Variants in XKR9 observed in about 807,000 individuals in gnomAD.
XKR9 encodes the protein XK-related protein 9.
Under a neutral mutation model 32.0 loss-of-function variants are expected in XKR9, and 32 were observed. The observed-to-expected ratio is 1.00, with a 90% confidence interval of 0.76 to 1.34. The LOEUF is 1.34. Among genes scored for constraint, XKR9 ranks in the 40% most tolerant of loss-of-function variants. XKR9 has a pLI of 0.00. For missense variants in XKR9, 546 were observed against 429.7 expected (o/e 1.27, Z -2.39); for synonymous variants, 168 against 143.4 (o/e 1.17, Z -1.22).
At chr8:70,747,371 CT>C (rs1169401054) in intron 2 of XKR9, among the ~76,000 whole-genome samples, 1 of 152,148 alleles carries the variant, frequency 6.6e-6, no homozygotes, top group Non-Finnish European at 1.5e-5. Flanking sequence ...AATGCATTGC[CT>C]CATAAATGAA....
At chr8:70,968,915 G>A in the XKR9 span, among the ~76,000 whole-genome samples, 2 of 152,202 alleles carry the variant, frequency 1.3e-5, no homozygotes, top group African/African-American at 4.8e-5. Context: ...TACACAGTCA[G>A]GAGGAATGGG....
chr8:70,748,928 A>G lies in XKR9; in HGVS notation n.353-40411A>G, dbSNP rs562560073. 5.3e-5 allele frequency among the ~76,000 whole-genome samples: 8 copies of G among 152,078 alleles called. No homozygotes were observed. The South Asian group carries it at 8.3e-4, about 16-fold the overall frequency. On this transcript the variant is annotated intron_variant and non_coding_transcript_variant, in intron 2 of 3. Coordinates refer to the XKR9 transcript ENST00000520273. ...GAGCTACCTACTTCAGGTCTCCTCAACTCTTCAGGATGACCTGCCTGCATA... is the reference window on the plus strand; with the variant it reads ...GAGCTACCTACTTCAGGTCTCCTCAGCTCTTCAGGATGACCTGCCTGCATA...
the XKR9 span, among the ~76,000 whole-genome samples, chr8:70,880,800 G>T: frequency 5.9e-5 from 9 of 152,108 alleles, no homozygotes; most frequent in African/African-American, 2.2e-4. Context: ...CCAAAAAAGA[G>T]CCCGTATAAC....
rs1458455722 is a variant in XKR9, at chr8:70,754,335, C to G, written n.353-35004C>G. Among the ~76,000 whole-genome samples, 32 of 142,894 alleles carry G rather than the reference C, an allele frequency of 2.2e-4. 1 individual carries two copies. In the Middle Eastern group the frequency reaches 0.017, roughly 78 times the overall value. The allele number at this position is 142,894 out of a possible 152,430, so 93.7% of individuals were successfully genotyped here. On this transcript the variant is annotated intron_variant and non_coding_transcript_variant, in intron 2 of 3. Transcript: ENST00000520273. ...AATCAATATCGTGAAAATGGCCATA[C>G]TGCCCAAGGTAATTTATAGATTCAA...
chr8:70,853,614 T>C, the XKR9 span, among the ~76,000 whole-genome samples: 1 of 152,058 alleles, frequency 6.6e-6, no homozygotes, highest in Non-Finnish European at 1.5e-5. Context: ...TACATATGTA[T>C]ACATGTGCCA....
At chr8:70,737,415 CA>C (rs1160068571), downstream of XKR9, among the ~76,000 whole-genome samples, 3 of 149,132 alleles carry the variant, frequency 2.0e-5, no homozygotes, top group African/African-American at 2.4e-5. Context: ...CATCTGCAAA[CA>C]GGGACAATTT....
the XKR9 span, among the ~76,000 whole-genome samples, chr8:70,849,709 G>C: frequency 6.6e-6 from 1 of 151,666 alleles, no homozygotes. Context: ...TGACAAAATA[G>C]ATAGACCACT....
the XKR9 span, among the ~76,000 whole-genome samples, chr8:71,034,730 T>A: frequency 6.6e-6 from 1 of 151,992 alleles, no homozygotes; most frequent in African/African-American, 2.4e-5. Context: ...AGCTTCCATG[T>A]CTTCTCAGCT....
the XKR9 span, among the ~76,000 whole-genome samples, chr8:70,832,870 C>T: frequency 6.6e-6 from 1 of 152,244 alleles, no homozygotes; most frequent in Admixed American, 6.5e-5. Context: ...AGAATATAAG[C>T]CCCACGAGGA....
intron 2 of XKR9, among the ~76,000 whole-genome samples, chr8:70,678,476 C>T (rs995362829): frequency 6.6e-6 from 1 of 152,122 alleles, no homozygotes; most frequent in Non-Finnish European, 1.5e-5. Context: ...ATATTTGTCT[C>T]TCATCACTTG....
intron 2 of XKR9, among the ~76,000 whole-genome samples, chr8:70,776,042 A>C (rs1240361731): frequency 2.0e-5 from 3 of 151,988 alleles, no homozygotes; most frequent in Admixed American, 2.0e-4. Context: ...CACTGCCCCC[A>C]ACCTGGTCTT....
the XKR9 span, among the ~76,000 whole-genome samples, chr8:71,038,048 C>G: frequency 1.6e-4 from 25 of 152,238 alleles, no homozygotes; most frequent in East Asian, 4.1e-3. Flanking sequence ...GTATTTAGTA[C>G]AGAGTTTATA....
At position 70,675,474 on chromosome 8, in the gene XKR9, C is replaced by G. The variant is rs530644930; in HGVS notation, c.-279+575C>G. ...GCTTTTTCTTTCTCTCTCACCTGGC[C>G]AGGCTGCACATTTTTCAAACTTTTA... On this transcript the variant is annotated intron_variant, in intron 2 of 4. Coordinates refer to ENST00000408926, the MANE Select transcript of XKR9 (RefSeq NM_001011720.2). 7.2e-4 allele frequency among the ~76,000 whole-genome samples: 109 copies of G among 152,306 alleles called. 1 individual carries two copies. Among genetic ancestry groups the G allele is most frequent in the African/African-American group, 2.5e-3 (105 of 41,580 alleles).
the XKR9 span, among the ~76,000 whole-genome samples, chr8:70,800,568 C>T: frequency 7.2e-5 from 11 of 152,126 alleles, no homozygotes; most frequent in African/African-American, 2.7e-4. Flanking sequence ...TTACTGAAAC[C>T]TTTGCCTCCT....
chr8:70,741,806 T>C (rs1262585705), intron 2 of XKR9, among the ~76,000 whole-genome samples: 1 of 152,212 alleles, frequency 6.6e-6, no homozygotes, highest in African/African-American at 2.4e-5. Flanking sequence ...GGTAATTCTG[T>C]TTTAAATCCT....
chr8:70,842,899 C>T, the XKR9 span, among the ~76,000 whole-genome samples: 1 of 152,008 alleles, frequency 6.6e-6, no homozygotes, highest in Admixed American at 6.5e-5. Context: ...TGCTGCCCTT[C>T]TGGGGTCTAC....
At chr8:70,811,378 G>T in the XKR9 span, among the ~76,000 whole-genome samples, 5 of 152,224 alleles carry the variant, frequency 3.3e-5, no homozygotes, top group Admixed American at 3.3e-4. Context: ...ACAATTAAAA[G>T]AACTAGAGAA....
the XKR9 span, among the ~76,000 whole-genome samples, chr8:70,801,675 G>C: frequency 2.6e-4 from 39 of 152,066 alleles, 1 homozygote; most frequent in African/African-American, 9.2e-4. Context: ...ATGTCTGTTA[G>C]GCCCATTTGG....
intron 2 of XKR9, among the ~76,000 whole-genome samples, chr8:70,754,127 A>T (rs999486537): frequency 1.4e-5 from 2 of 142,964 alleles, no homozygotes; most frequent in Non-Finnish European, 3.0e-5. Flanking sequence ...AATAACAGAC[A>T]AACAGAGAGC....
Sources: allele counts gnomAD v4.1 joint callset (sites outside exome capture counted in the v4.1 genomes callset), GRCh38; gene constraint gnomAD v4.1.1; transcripts MANE v1.5; gene names NCBI Gene and HGNC (gene_info 2026-07-23, HGNC 2026-07-21).